The following NUP160 variants were observed in gnomAD, a reference collection of about 807,000 sequenced individuals.
NUP160 encodes nuclear pore complex protein Nup160.
A neutral mutation model predicts 196.9 loss-of-function variants in NUP160; 94 were observed. The observed-to-expected ratio is 0.48, with a 90% confidence interval of 0.40 to 0.57. The LOEUF (loss-of-function observed/expected upper bound fraction) is 0.57, where lower values mean the gene tolerates loss of function less well. Among genes scored for constraint, NUP160 ranks in the 20% least tolerant of loss-of-function variants. NUP160 has a pLI of 0.00. For missense variants in NUP160, 1,638 were observed against 1,748.3 expected (o/e 0.94, Z 1.13); for synonymous variants, 605 against 619.7 (o/e 0.98, Z 0.35).
intron 7 of NUP160, among the ~76,000 whole-genome samples, chr11:47,833,081 G>C (rs894733591): frequency 1.3e-5 from 2 of 152,170 alleles, no homozygotes; most frequent in African/African-American, 4.8e-5. Context: ...ATGGTTGCTC[G>C]TATCTGTGGA....
intron 29 of NUP160, among the ~76,000 whole-genome samples, chr11:47,788,826 TGAG>T: frequency 6.6e-6 from 1 of 152,018 alleles, no homozygotes; most frequent in East Asian, 1.9e-4. Flanking sequence ...CGACTGCAGT[TGAG>T]GAGGTGCTTA....
chr11:47,847,903 A>G (rs1342556389), exon 2 of NUP160: 2 of 1,614,148 alleles, frequency 1.2e-6, no homozygotes, highest in South Asian at 1.1e-5. Flanking sequence ...TCCACGTAGT[A>G]AAAGCCTCCC....
At chr11:47,797,699 G>A in intron 27 of NUP160, 80 bp downstream of exon 27, 6 of 964,092 alleles carry the variant, frequency 6.2e-6, no homozygotes, top group South Asian at 2.7e-5. Context: ...AATTACCTAA[G>A]TCCAACACAC....
At position 47,812,166 on chromosome 11, in the gene NUP160, C is replaced by A. The variant is rs750442923; in HGVS notation, c.2139G>T (p.Gly713=). ...TATGCACCCCTCTGCACACAATATACCCTGCTGTGTTACTACCATAGAGCT... is the reference window on the plus strand; with the variant it reads ...TATGCACCCCTCTGCACACAATATAACCTGCTGTGTTACTACCATAGAGCT... Residue 713 remains glycine (G), a synonymous_variant, in exon 17 of 36, where the codon GGG becomes GGT. Transcript: ENST00000378460. 2 of 1,614,086 alleles carry A rather than the reference C, an allele frequency of 1.2e-6. No homozygotes were observed. The highest frequency in any genetic ancestry group is 1.7e-6 in the Non-Finnish European group (2 of 1,179,972).
In NUP160 at chr11:47,815,385, A is replaced by G. The variant is rs533732498; in HGVS notation, c.1686+94T>C. Reference sequence around the variant, plus strand: ...ACATTCACCAGACTAACATTCGGCAAGAGCCACTGAACTTTTTGTTTTCTG... The same window carrying G: ...ACATTCACCAGACTAACATTCGGCAGGAGCCACTGAACTTTTTGTTTTCTG... On this transcript the variant is annotated intron_variant, in intron 13 of 35. Coordinates refer to ENST00000378460, the Ensembl canonical transcript of NUP160. 4.3e-6 allele frequency: 4 copies of G among 921,158 alleles called. No homozygotes were observed. The South Asian group carries it at 9.5e-5, about 22-fold the overall frequency. 57.1% of individuals were successfully genotyped at this position (921,158 alleles called of 1,614,324 possible). A position where few individuals can be genotyped will look rare whatever the true frequency, so the allele number is the denominator to read the frequency against.
chr11:47,794,678 G>A lies in NUP160; in HGVS notation c.3290-1732C>T, dbSNP rs545455594. On this transcript the variant is annotated intron_variant, in intron 27 of 35. Coordinates refer to ENST00000378460, the Ensembl canonical transcript of NUP160. Reference sequence around the variant, plus strand: ...TCCCAGCACTTTGGGAAGCTGAGGCGGGTGGATCATTTTGAGGTCAGGAGT... The same window carrying A: ...TCCCAGCACTTTGGGAAGCTGAGGCAGGTGGATCATTTTGAGGTCAGGAGT... 6.6e-5 allele frequency among the ~76,000 whole-genome samples: 10 copies of A among 152,000 alleles called. No individual in the cohort carries two copies. In the South Asian group the frequency reaches 2.1e-3, roughly 32 times the overall value.
At chr11:47,847,811 T>C in intron 2 of NUP160, 37 bp downstream of exon 2, 5 of 1,445,174 alleles carry the variant, frequency 3.5e-6, no homozygotes, top group Non-Finnish European at 4.9e-6. Context: ...CACCAAACCC[T>C]ACCTTCCAGG....
At chr11:47,813,550 C>T (rs562867590) in intron 13 of NUP160, 135 bp from the exon 14 acceptor site, 17 of 609,000 alleles carry the variant, frequency 2.8e-5, no homozygotes, top group African/African-American at 2.8e-4. Context: ...TAAGTCTTGG[C>T]TGGGCACAGT....
exon 36 of NUP160, chr11:47,778,968 T>C: frequency 1.5e-6 from 1 of 667,402 alleles, no homozygotes; most frequent in South Asian, 1.7e-5. Flanking sequence ...CCCTCCTATC[T>C]TGTGCAGAAT....
At chr11:47,806,787 C>CTA (rs1432232426) in intron 19 of NUP160, among the ~76,000 whole-genome samples, 789 of 74,982 alleles carry the variant, frequency 0.011, 23 homozygotes, top group South Asian at 0.038. Context: ...GGGAAAGCAG[C>CTA]TATACACACA....
chr11:47,783,078 T>C, exon 34 of NUP160: 1 of 1,613,236 alleles, frequency 6.2e-7, no homozygotes, highest in Non-Finnish European at 8.5e-7. Flanking sequence ...CCTACCTCAA[T>C]TCCGAAGTAT....
At chr11:47,799,223 T>A (rs1408162214) in intron 23 of NUP160, among the ~76,000 whole-genome samples, 2 of 151,902 alleles carry the variant, frequency 1.3e-5, no homozygotes, top group Non-Finnish European at 1.5e-5. Context: ...GTAGCTGGGA[T>A]TACAGGCATG....
chr11:47,825,029 G>A (rs936827740), intron 7 of NUP160, among the ~76,000 whole-genome samples: 3 of 152,028 alleles, frequency 2.0e-5, no homozygotes, highest in Admixed American at 6.5e-5. Flanking sequence ...TAGAGACAGG[G>A]TTTCCCTGTG....
At chr11:47,837,926 T>C (rs1448656609) in intron 4 of NUP160, among the ~76,000 whole-genome samples, 1 of 152,254 alleles carries the variant, frequency 6.6e-6, no homozygotes, top group Admixed American at 6.5e-5. Flanking sequence ...GTACCTTTCA[T>C]GTGCCAGGCA....
At chr11:47,812,821 C>A (rs1016324259) in intron 15 of NUP160, 61 bp downstream of exon 15, 59 of 1,447,072 alleles carry the variant, frequency 4.1e-5, no homozygotes, top group Non-Finnish European at 5.5e-5. Flanking sequence ...AAAATTCCAA[C>A]TTTGGCGCTA....
At chr11:47,800,712 T>C (rs1392816625) in intron 23 of NUP160, among the ~76,000 whole-genome samples, 1 of 152,100 alleles carries the variant, frequency 6.6e-6, no homozygotes, top group East Asian at 1.9e-4. Flanking sequence ...GAGCTACAAA[T>C]CTACTTCAGT....
intron 20 of NUP160, among the ~76,000 whole-genome samples, chr11:47,805,152 C>CAT (rs2097676732): frequency 6.6e-6 from 1 of 150,400 alleles, no homozygotes; most frequent in Non-Finnish European, 1.5e-5. Flanking sequence ...TTTTTTGAGA[C>CAT]AGAGTCTCAC....
At chr11:47,846,084 C>CATA (rs1215594159) in intron 2 of NUP160, among the ~76,000 whole-genome samples, 1 of 149,580 alleles carries the variant, frequency 6.7e-6, no homozygotes, top group Non-Finnish European at 1.5e-5. Context: ...TGCAGTAAGC[C>CATA]ATAATTGCAC....
At chr11:47,802,924 G>A (rs1168174432) in intron 22 of NUP160, among the ~76,000 whole-genome samples, 2 of 152,110 alleles carry the variant, frequency 1.3e-5, no homozygotes, top group Admixed American at 6.6e-5. Context: ...GGTTGAGGCA[G>A]CAGTGAGCTG....
Sources: allele counts gnomAD v4.1 joint callset (sites outside exome capture counted in the v4.1 genomes callset), GRCh38; gene constraint gnomAD v4.1.1; transcripts MANE v1.5; gene names NCBI Gene and HGNC (gene_info 2026-07-23, HGNC 2026-07-21).